ERCC6L2: variants seen among roughly 807,000 people sequenced by gnomAD.
ERCC6L2 encodes DNA excision repair protein ERCC-6-like 2.
In ERCC6L2, 77 loss-of-function variants were observed where a neutral mutation model predicts 132.0. The observed-to-expected ratio is 0.58, with a 90% CI of 0.49 to 0.71. ERCC6L2 has a LOEUF of 0.71. ERCC6L2 is among the 30% of genes least tolerant of loss of function. ERCC6L2 has a pLI of 0.00. For synonymous variants in ERCC6L2, 583 were observed against 632.4 expected, an observed-to-expected ratio of 0.92 and a Z score of 1.17; for missense variants, 1,542 against 1,837.6, an observed-to-expected ratio of 0.84 and a Z score of 2.94.
Position 95,974,650 on chromosome 9 carries a change from A to T in ERCC6L2, c.3337+1562A>T, listed in dbSNP as rs1211433659. Among the ~76,000 whole-genome samples the T allele has an allele frequency of 3.3e-5, 5 of 152,194 alleles. No homozygotes were observed. In the East Asian group the frequency reaches 9.6e-4, roughly 29 times the overall value. On this transcript the variant is annotated intron_variant, in intron 16 of 18. Coordinates refer to ENST00000653738, the MANE Select transcript of ERCC6L2 (RefSeq NM_020207.7). ...GAGAGAAAGTGTGTTTCAAGACCAC[A>T]GTCTGGTGCTAGTAATGAACATTGC... is the stretch of plus-strand genomic sequence containing the variant.
chr9:95,975,130 T>C (rs566451720), intron 16 of ERCC6L2, among the ~76,000 whole-genome samples: 1 of 152,314 alleles, frequency 6.6e-6, no homozygotes, highest in South Asian at 2.1e-4. Flanking sequence ...ATGGATATAC[T>C]ATGTCTTCAT....
chr9:95,880,798 C>CA (rs1827546949), intron 1 of ERCC6L2, 71 bp from the exon 2 acceptor site: 2 of 1,398,892 alleles, frequency 1.4e-6, no homozygotes. Flanking sequence ...TATTGTTTCT[C>CA]ACAGCTGTGA....
Position 96,012,335 on chromosome 9 carries a change from T to A in ERCC6L2, c.3785T>A (p.Phe1262Tyr). 1 of 1,361,044 alleles carries A rather than the reference T, an allele frequency of 7.3e-7. No individual in the cohort carries two copies. The highest frequency in any genetic ancestry group is 1.5e-5 in the African/African-American group (1 of 67,788). 84.3% of individuals were successfully genotyped at this position (1,361,044 alleles called of 1,614,324 possible). A position where few individuals can be genotyped will look rare whatever the true frequency, so the allele number is the denominator to read the frequency against. ...GAACGACAGAAAATGCTAAGAGACT[T>A]TTATGCTTCTCAATATCCAGAGGTA... ...SEERQKMLRD[F>Y]YASQYPEVKE... Residue 1262 changes from phenylalanine to tyrosine, a missense_variant, in exon 19 of 19, where the codon TTT becomes TAT. This residue lies in a region of ERCC6L2 where 442 missense variants were observed against 583.4 expected (regional missense o/e 0.76). Transcript: ENST00000653738.
chr9:95,913,507 G>C (rs549892357), intron 4 of ERCC6L2, among the ~76,000 whole-genome samples: 1 of 152,074 alleles, frequency 6.6e-6, no homozygotes, highest in East Asian at 1.9e-4. Context: ...TCTGAATATT[G>C]CTATGGACTT....
At chr9:96,005,472 C>T (rs1263599239) in intron 18 of ERCC6L2, among the ~76,000 whole-genome samples, 1 of 151,844 alleles carries the variant, frequency 6.6e-6, no homozygotes, top group African/African-American at 2.4e-5. Flanking sequence ...ATGGAACCAC[C>T]TTTCTTTTGG....
At chr9:95,894,388 CATT>C (rs779637528) in intron 2 of ERCC6L2, among the ~76,000 whole-genome samples, 3 of 152,088 alleles carry the variant, frequency 2.0e-5, no homozygotes, top group Non-Finnish European at 4.4e-5. Context: ...TATTGTTACT[CATT>C]ATTTAATTCA....
At chr9:96,011,301 G>C (rs992847854) in intron 18 of ERCC6L2, among the ~76,000 whole-genome samples, 14 of 152,174 alleles carry the variant, frequency 9.2e-5, no homozygotes, top group Non-Finnish European at 1.9e-4. Context: ...AAACTGTGTG[G>C]GTTCTCTGGC....
intron 19 of ERCC6L2, among the ~76,000 whole-genome samples, chr9:96,026,501 A>T (rs950826187): frequency 3.9e-5 from 6 of 152,072 alleles, no homozygotes; most frequent in African/African-American, 1.2e-4. Context: ...CAACGCCCAC[A>T]GGCCAGGCGG....
chr9:95,970,491 A>AT, intron 14 of ERCC6L2, 85 bp from the exon 15 acceptor site: 1 of 673,912 alleles, frequency 1.5e-6, no homozygotes, highest in Non-Finnish European at 2.1e-6. Context: ...AGCTCCAAGA[A>AT]TAGCATGCAT....
At chr9:95,957,077 G>A (rs77927970) in intron 13 of ERCC6L2, among the ~76,000 whole-genome samples, 2,725 of 152,166 alleles carry the variant, frequency 0.018, 86 homozygotes, top group African/African-American at 0.061. Flanking sequence ...TTTAGTATTC[G>A]TCCGAAATTG....
chr9:95,996,521 A>G (rs924274330), intron 17 of ERCC6L2, among the ~76,000 whole-genome samples: 1 of 152,248 alleles, frequency 6.6e-6, no homozygotes, highest in African/African-American at 2.4e-5. Context: ...TTTCATAGCT[A>G]GAGGGGAGAA....
At chr9:95,933,845 C>CAA (rs10609411) in intron 11 of ERCC6L2, among the ~76,000 whole-genome samples, 1 of 119,500 alleles carries the variant, frequency 8.4e-6, no homozygotes, top group Non-Finnish European at 1.7e-5. Context: ...GACTCTGTCT[C>CAA]AAAAAAAAAA....
intron 6 of ERCC6L2, chr9:95,918,390 G>A (rs1053142099): frequency 2.0e-5 from 7 of 358,356 alleles, no homozygotes; most frequent in Admixed American, 6.6e-5. Context: ...ATTTGAGTCC[G>A]CTGCCTTGAG....
intron 17 of ERCC6L2, among the ~76,000 whole-genome samples, chr9:95,982,815 A>G (rs1772951501): frequency 6.6e-6 from 1 of 152,178 alleles, no homozygotes; most frequent in African/African-American, 2.4e-5. Context: ...CTGATTCAGA[A>G]TATAATACGT....
chr9:95,997,623 A>G (rs1833514914), intron 17 of ERCC6L2, among the ~76,000 whole-genome samples: 2 of 152,224 alleles, frequency 1.3e-5, no homozygotes, highest in Admixed American at 6.5e-5. Context: ...ACAAACCAAA[A>G]AATTTGTGGT....
At chr9:96,031,714 A>C (rs1834462414) in intron 19 of ERCC6L2, among the ~76,000 whole-genome samples, 2 of 152,228 alleles carry the variant, frequency 1.3e-5, no homozygotes, top group African/African-American at 4.8e-5. Flanking sequence ...GTAAGTGGGC[A>C]GATCCCTGAG....
chr9:95,902,088 G>A (rs1415539239), intron 3 of ERCC6L2, among the ~76,000 whole-genome samples: 1 of 152,214 alleles, frequency 6.6e-6, no homozygotes, highest in African/African-American at 2.4e-5. Flanking sequence ...GTGGGTCTAA[G>A]GTATGTGTGT....
At position 95,916,223 on chromosome 9, in the gene ERCC6L2, A is replaced by G. The variant is rs1829579439; in HGVS notation, c.951-4A>G. 1 of 1,613,410 alleles carries G rather than the reference A, an allele frequency of 6.2e-7. No homozygotes were observed. ...CTTACATTTTTCTTATTGTCTTTATAAAGGGCTGTGCCAGGCCTTTTAGGG... is the reference window on the plus strand; with the variant it reads ...CTTACATTTTTCTTATTGTCTTTATGAAGGGCTGTGCCAGGCCTTTTAGGG... On this transcript the variant is annotated splice_polypyrimidine_tract_variant and splice_region_variant and intron_variant, in intron 5 of 18. Coordinates refer to ENST00000653738, the MANE Select transcript of ERCC6L2 (RefSeq NM_020207.7).
At position 95,916,419 on chromosome 9, in the gene ERCC6L2, T is replaced by C. The variant is rs368880452; in HGVS notation, c.1143T>C (p.Pro381=). 3 of 1,567,266 alleles carry C rather than the reference T, an allele frequency of 1.9e-6. No individual in the cohort carries two copies. Among genetic ancestry groups the C allele is most frequent in the Non-Finnish European group, 2.6e-6 (3 of 1,163,240 alleles). The change falls in exon 6 of 19, where the codon CCT becomes CCC. Residue 381 remains proline (P), a synonymous_variant. Transcript: ENST00000653738. The part of the protein sequence containing the change: ...RTKTLIKDQL[P]KKEDRMVYCS... ...AGACTCTTATCAAGGATCAGTTGCCTAAGAAGGAAGACCGGGTAAGAACCG... is the reference window on the plus strand; with the variant it reads ...AGACTCTTATCAAGGATCAGTTGCCCAAGAAGGAAGACCGGGTAAGAACCG...
Sources: gnomAD v4.1 joint callset for allele counts (sites outside exome capture counted in the v4.1 genomes callset) on GRCh38, gnomAD v4.1.1 for gene constraint, gnomAD v4.1.1 regional missense constraint, MANE v1.5 for transcripts, NCBI Gene and HGNC (gene_info 2026-07-23, HGNC 2026-07-21) for gene names.